ITGAE: variants seen among roughly 807,000 people sequenced by gnomAD.
The protein encoded by ITGAE is integrin subunit alpha E, also known as integrin alpha-E.
In ITGAE, 99 loss-of-function variants were observed where a neutral mutation model predicts 136.5. The ratio of observed to expected loss-of-function variants is 0.73; its 90% CI spans 0.62 to 0.86. The LOEUF (loss-of-function observed/expected upper bound fraction) is 0.86, where lower values mean the gene tolerates loss of function less well. ITGAE is among the 40% of genes least tolerant of loss of function. The pLI, the probability that ITGAE is intolerant of heterozygous loss-of-function variation, is 0.00. For synonymous variants in ITGAE, 613 were observed against 591.8 expected, an observed-to-expected ratio of 1.04 and a Z score of -0.52; for missense variants, 1,447 against 1,515.3, an observed-to-expected ratio of 0.95 and a Z score of 0.75.
At chr17:3,724,596 C>T (rs747059386) in intron 26 of ITGAE, 7 of 1,614,212 alleles carry the variant, frequency 4.3e-6, no homozygotes, top group Non-Finnish European at 5.9e-6. Flanking sequence ...CCCCTGCTCC[C>T]AGGAGGAAGC....
At chr17:3,784,125 T>G (rs113275593) in intron 1 of ITGAE, among the ~76,000 whole-genome samples, 6,617 of 151,916 alleles carry the variant, frequency 0.044, 168 homozygotes, top group African/African-American at 0.06. Flanking sequence ...CCGGGCGTGG[T>G]GGCGGGCGCC....
At position 3,723,930 on chromosome 17, in the gene ITGAE, C is replaced by T. The variant is rs1020496481; in HGVS notation, c.3085-186G>A. Reference sequence around the variant, plus strand: ...TTGCGTTTGAACCTCTTGGCGGGTGCCGGCCATGGCGGCTTCGCTCCCGGG... The same window carrying T: ...TTGCGTTTGAACCTCTTGGCGGGTGTCGGCCATGGCGGCTTCGCTCCCGGG... On this transcript the variant is annotated intron_variant, in intron 26 of 30. Transcript: ENST00000263087. 3.2e-6 allele frequency: 5 copies of T among 1,543,182 alleles called. No individual in the cohort carries two copies. In the East Asian group the frequency reaches 1.2e-4, roughly 36 times the overall value.
chr17:3,731,335 C>CTTT (rs78134599), intron 22 of ITGAE, 152 bp from the exon 23 acceptor site: 98 of 398,594 alleles, frequency 2.5e-4, no homozygotes, highest in South Asian at 6.5e-4. Context: ...CTTTCCCTTC[C>CTTT]TTTTTTTTTT....
In ITGAE at chr17:3,746,037, A is replaced by C. The variant is rs1294302661; in HGVS notation, c.2156-110T>G. The C allele has an allele frequency of 3.2e-6, 3 of 947,046 alleles. No homozygotes were observed. In the African/African-American group the frequency reaches 5.0e-5, roughly 16 times the overall value. The allele number at this position is 947,046 out of a possible 1,614,324, so 58.7% of individuals were successfully genotyped here. A position where few individuals can be genotyped will look rare whatever the true frequency, so the allele number is the denominator to read the frequency against. On this transcript the variant is annotated intron_variant, in intron 17 of 30. Coordinates refer to ENST00000263087, the MANE Select transcript of ITGAE (RefSeq NM_002208.5). The stretch of plus-strand genomic sequence containing the variant: ...GTGGCCCCTCCTGAACAGTGTCCCC[A>C]TGCAGGTACTTCCCTGCGGCTGGAC...
chr17:3,795,352 G>T (rs956643637), intron 1 of ITGAE, among the ~76,000 whole-genome samples: 3 of 152,224 alleles, frequency 2.0e-5, no homozygotes, highest in African/African-American at 7.2e-5. Context: ...AAAGGTCAGA[G>T]TGGGCCAGAT....
At chr17:3,749,644 G>A (rs2051814557) in intron 16 of ITGAE, among the ~76,000 whole-genome samples, 1 of 152,156 alleles carries the variant, frequency 6.6e-6, no homozygotes, top group Non-Finnish European at 1.5e-5. Context: ...AGCTTGGAGA[G>A]GACGGGACAG....
chr17:3,732,096 A>T (rs932366958), intron 22 of ITGAE, among the ~76,000 whole-genome samples: 2 of 152,026 alleles, frequency 1.3e-5, no homozygotes, highest in Non-Finnish European at 2.9e-5. Flanking sequence ...AAACAAAAAA[A>T]CTTTTTGTCT....
intron 1 of ITGAE, among the ~76,000 whole-genome samples, chr17:3,797,772 C>T (rs1330960197): frequency 2.6e-5 from 4 of 152,134 alleles, no homozygotes; most frequent in Non-Finnish European, 4.4e-5. Flanking sequence ...GGAAACTAAA[C>T]GTTTCTCATG....
At chr17:3,788,683 A>T (rs1460382917) in intron 1 of ITGAE, among the ~76,000 whole-genome samples, 1 of 143,960 alleles carries the variant, frequency 6.9e-6, no homozygotes, top group Non-Finnish European at 1.5e-5. Flanking sequence ...TTGTACTTTT[A>T]AAAAGTCTAC....
intron 2 of ITGAE, among the ~76,000 whole-genome samples, chr17:3,776,144 A>G (rs999059041): frequency 7.7e-6 from 1 of 129,736 alleles, no homozygotes; most frequent in Admixed American, 9.8e-5. Flanking sequence ...TGCAACCTCC[A>G]CCTCCCAGGT....
At chr17:3,727,600 C>T (rs1041166469) in intron 26 of ITGAE, among the ~76,000 whole-genome samples, 8 of 152,096 alleles carry the variant, frequency 5.3e-5, no homozygotes, top group East Asian at 1.9e-4. Context: ...GGGGTTTCAC[C>T]GTGTTAGCCA....
At position 3,730,808 on chromosome 17, in the gene ITGAE, T is replaced by C. The variant is rs372894151; in HGVS notation, c.2834+296A>G. On this transcript the variant is annotated intron_variant, in intron 23 of 30. Coordinates refer to ENST00000263087, the MANE Select transcript of ITGAE (RefSeq NM_002208.5). ...CAACACAGAGGTCTTGCAGGTAACA[T>C]AGCTATCCCAAGCTATTCCAAAGCT... 3.9e-5 allele frequency among the ~76,000 whole-genome samples: 6 copies of C among 152,254 alleles called. No individual in the cohort carries two copies. In the South Asian group the frequency reaches 8.3e-4, roughly 21 times the overall value.
chr17:3,719,972 T>C (rs1363780496), intron 29 of ITGAE, among the ~76,000 whole-genome samples: 1 of 152,188 alleles, frequency 6.6e-6, no homozygotes, highest in Non-Finnish European at 1.5e-5. Context: ...GTGATCCACC[T>C]GTCTCGGCCT....
At chr17:3,788,633 T>C (rs1231066853) in intron 1 of ITGAE, among the ~76,000 whole-genome samples, 1 of 150,438 alleles carries the variant, frequency 6.6e-6, no homozygotes, top group Non-Finnish European at 1.5e-5. Context: ...TGACTTAATA[T>C]GAACATTTAC....
intron 1 of ITGAE, among the ~76,000 whole-genome samples, chr17:3,790,970 C>T (rs892018088): frequency 2.0e-5 from 3 of 151,904 alleles, no homozygotes; most frequent in Non-Finnish European, 4.4e-5. Flanking sequence ...CTGGCTAACA[C>T]GGTGAAACCC....
intron 2 of ITGAE, among the ~76,000 whole-genome samples, chr17:3,777,161 C>T (rs970883511): frequency 7.2e-5 from 11 of 152,062 alleles, no homozygotes; most frequent in Admixed American, 6.5e-4. Context: ...CAGGGTTTCA[C>T]CGTGTTAGCC....
Position 3,801,126 on chromosome 17 carries a change from G to C in ITGAE, c.19C>G (p.Leu7Val), listed in dbSNP as rs1324456384. ...GAGGACTTACTGGCTATGCAGAGCA[G>C]AGTGTGGAAGAGCCACATCCTTGCT... The part of the protein sequence containing the change: MWLFHT[L>V]LCIASLALLA... The change falls in exon 1 of 31, where the codon CTG becomes GTG. Residue 7 changes from leucine (L) to valine (V), a missense_variant. Coordinates refer to ENST00000263087, the MANE Select transcript of ITGAE (RefSeq NM_002208.5). 1.9e-6 allele frequency: 3 copies of C among 1,612,228 alleles called. No homozygotes were observed. Among genetic ancestry groups the C allele is most frequent in the Admixed American group, 1.7e-5 (1 of 60,016 alleles).
chr17:3,717,764 T>A (rs940965754), intron 29 of ITGAE: 3 of 152,206 alleles, frequency 2.0e-5, no homozygotes, highest in Non-Finnish European at 4.4e-5. Context: ...CCAGTCCTAT[T>A]TAGCTCATAG....
intron 2 of ITGAE, among the ~76,000 whole-genome samples, chr17:3,773,184 A>C (rs371327101): frequency 6.6e-6 from 1 of 152,038 alleles, no homozygotes; most frequent in Non-Finnish European, 1.5e-5. Context: ...ACCGACATTT[A>C]CTGGTTTATT....
Sources: gnomAD v4.1 joint callset for allele counts (sites outside exome capture counted in the v4.1 genomes callset) on GRCh38, gnomAD v4.1.1 for gene constraint, MANE v1.5 for transcripts, NCBI Gene and HGNC (gene_info 2026-07-23, HGNC 2026-07-21) for gene names.